The following SAMD12 variants were observed in gnomAD, a reference collection of about 807,000 sequenced individuals.
The protein encoded by SAMD12 is sterile alpha motif domain-containing protein 12.
A neutral mutation model predicts 15.0 loss-of-function variants in SAMD12; 9 were observed. The ratio of observed to expected loss-of-function variants is 0.60; its 90% CI spans 0.36 to 1.05. SAMD12 has a LOEUF of 1.05. SAMD12 is among the 50% of genes least tolerant of loss of function. SAMD12 has a pLI of 0.01. For missense variants in SAMD12, 230 were observed against 234.2 expected (o/e 0.98, Z 0.12); for synonymous variants, 86 against 90.1 (o/e 0.96, Z 0.25).
At chr8:118,497,739 G>GGGGGAAAA (rs1824665092) in intron 2 of SAMD12, among the ~76,000 whole-genome samples, 1 of 58,244 alleles carries the variant, frequency 1.7e-5, no homozygotes, top group African/African-American at 7.7e-5. Context: ...GGGGTGGGGG[G>GGGGGAAAA]AAAGAAAAAA....
intron 4 of SAMD12, among the ~76,000 whole-genome samples, chr8:118,254,702 T>G (rs1812893472): frequency 6.6e-6 from 1 of 152,026 alleles, no homozygotes; most frequent in South Asian, 2.1e-4. Flanking sequence ...CGGGGCCCAC[T>G]GCACGGCTGT....
chr8:118,388,741 C>T (rs1186242190), intron 3 of SAMD12, among the ~76,000 whole-genome samples: 1 of 152,134 alleles, frequency 6.6e-6, no homozygotes, highest in East Asian at 1.9e-4. Flanking sequence ...AGAAAGTTCT[C>T]TTTCTATCTT....
chr8:118,490,245 A>G lies in SAMD12; in HGVS notation c.193-50284T>C, dbSNP rs144308923. 5.5e-3 allele frequency among the ~76,000 whole-genome samples: 844 copies of G among 152,262 alleles called. 7 individuals carry two copies. The highest frequency in any genetic ancestry group is 0.019 in the African/African-American group (782 of 41,548). On this transcript the variant is annotated intron_variant, in intron 2 of 3. Coordinates refer to ENST00000314727, the MANE Select transcript of SAMD12 (RefSeq NM_207506.3). ...CTCAATACAAGATAAAAGGGAGGGA[A>G]CCTATTTATTGAGATGTGGTTCCCA...
chr8:118,384,200 G>A (rs1356982248), intron 3 of SAMD12, among the ~76,000 whole-genome samples: 1 of 152,076 alleles, frequency 6.6e-6, no homozygotes, highest in East Asian at 1.9e-4. Flanking sequence ...ATAAGAGAAT[G>A]GTCAGAAATT....
intron 3 of SAMD12, among the ~76,000 whole-genome samples, chr8:118,438,146 T>C (rs2130884740): frequency 6.6e-6 from 1 of 152,260 alleles, no homozygotes; most frequent in Non-Finnish European, 1.5e-5. Flanking sequence ...ACACTTGGAA[T>C]CGAAGCTAAG....
Position 118,522,157 on chromosome 8 carries a change from A to AACACAC in SAMD12, c.192+58552_192+58557dup, listed in dbSNP as rs71292173. ...CAGTTAACAACTACTGATTCAGTGA[A>AACACAC]ACACACACACACACACACACATACA... is the stretch of plus-strand genomic sequence containing the variant. On this transcript the variant is annotated intron_variant, in intron 2 of 3. Transcript: ENST00000314727. Among the ~76,000 whole-genome samples the AACACAC allele has an allele frequency of 1.3e-3, 91 of 70,024 alleles. No individual in the cohort carries two copies. In the East Asian group the frequency reaches 0.023, roughly 18 times the overall value. The allele number at this position is 70,024 out of a possible 152,430, so 45.9% of individuals were successfully genotyped here. A position where few individuals can be genotyped will look rare whatever the true frequency, so the allele number is the denominator to read the frequency against.
chr8:118,522,208 A>C (rs1825410274), intron 2 of SAMD12, among the ~76,000 whole-genome samples: 1 of 140,294 alleles, frequency 7.1e-6, no homozygotes, highest in Non-Finnish European at 1.5e-5. Context: ...ATACACACAC[A>C]CACACACGAT....
intron 1 of SAMD12, among the ~76,000 whole-genome samples, chr8:118,587,909 T>G (rs921613649): frequency 3.9e-5 from 6 of 152,212 alleles, no homozygotes; most frequent in African/African-American, 1.2e-4. Context: ...TGTTTAGCCC[T>G]TCTTTTTAAA....
intron 2 of SAMD12, among the ~76,000 whole-genome samples, chr8:118,466,380 GAAAT>G (rs1823594824): frequency 6.6e-6 from 1 of 152,128 alleles, no homozygotes; most frequent in Admixed American, 6.5e-5. Context: ...ACAACTCTAT[GAAAT>G]AAATATAATT....
chr8:118,541,055 C>T (rs1825971836), intron 2 of SAMD12, among the ~76,000 whole-genome samples: 1 of 152,170 alleles, frequency 6.6e-6, no homozygotes, highest in South Asian at 2.1e-4. Context: ...CTGTCTTTCC[C>T]AGAGGATGAA....
chr8:118,305,767 G>T (rs1262707904), intron 4 of SAMD12, among the ~76,000 whole-genome samples: 5 of 152,128 alleles, frequency 3.3e-5, no homozygotes, highest in Non-Finnish European at 7.3e-5. Flanking sequence ...TTTGCTTTTA[G>T]ATCAGTGCTT....
intron 4 of SAMD12, among the ~76,000 whole-genome samples, chr8:118,348,822 T>C (rs1456779034): frequency 6.6e-6 from 1 of 152,220 alleles, no homozygotes; most frequent in Non-Finnish European, 1.5e-5. Context: ...AAAGGTAGCC[T>C]GAGGGAACCA....
At chr8:118,315,829 G>C (rs2130420193) in intron 4 of SAMD12, among the ~76,000 whole-genome samples, 1 of 152,192 alleles carries the variant, frequency 6.6e-6, no homozygotes, top group East Asian at 1.9e-4. Context: ...GAAACTTCTA[G>C]GGGGTGCTGG....
chr8:118,402,126 AGAG>A (rs566319552), intron 3 of SAMD12, among the ~76,000 whole-genome samples: 26 of 152,216 alleles, frequency 1.7e-4, no homozygotes, highest in Non-Finnish European at 2.8e-4. Context: ...TAGGGAAGTT[AGAG>A]GAGAAGAAAA....
intron 2 of SAMD12, among the ~76,000 whole-genome samples, chr8:118,445,769 A>G (rs16891050): frequency 0.024 from 3,698 of 152,218 alleles, 134 homozygotes; most frequent in African/African-American, 0.084. Flanking sequence ...TTTGATGCTA[A>G]TCTCTTCTGA....
intron 1 of SAMD12, among the ~76,000 whole-genome samples, chr8:118,587,189 T>C (rs945425491): frequency 1.3e-5 from 2 of 152,228 alleles, no homozygotes; most frequent in African/African-American, 4.8e-5. Context: ...ATTTCATGTT[T>C]ATGTCTTGCT....
At chr8:118,276,882 AG>A (rs1216007491) in intron 4 of SAMD12, among the ~76,000 whole-genome samples, 5 of 152,140 alleles carry the variant, frequency 3.3e-5, no homozygotes, top group Non-Finnish European at 4.4e-5. Context: ...CATGTTGACC[AG>A]GCTGGTCTCG....
intron 4 of SAMD12, among the ~76,000 whole-genome samples, chr8:118,279,755 A>T (rs1351393539): frequency 6.6e-6 from 1 of 152,218 alleles, no homozygotes; most frequent in East Asian, 1.9e-4. Flanking sequence ...TGCATATTTG[A>T]TGCATTATTG....
intron 1 of SAMD12, among the ~76,000 whole-genome samples, chr8:118,618,031 T>G (rs984513519): frequency 2.0e-5 from 3 of 146,670 alleles, no homozygotes; most frequent in African/African-American, 7.9e-5. Context: ...TGTTTTTGTT[T>G]TTTTTTTTTT....
Sources: allele counts gnomAD v4.1 joint callset (sites outside exome capture counted in the v4.1 genomes callset), GRCh38; gene constraint gnomAD v4.1.1; transcripts MANE v1.5; gene names NCBI Gene and HGNC (gene_info 2026-07-23, HGNC 2026-07-21).